The following VLDLR variants were observed in gnomAD, a reference collection of about 807,000 sequenced individuals.
The protein encoded by VLDLR is very low density lipoprotein receptor.
A neutral mutation model predicts 112.7 loss-of-function variants in VLDLR; 81 were observed. That is an observed-to-expected ratio of 0.72 (90% CI 0.60 to 0.86). The LOEUF is 0.86. Among genes scored for constraint, VLDLR ranks in the 40% least tolerant of loss-of-function variants. The probability of loss-of-function intolerance (pLI) is 0.00; values close to 1 mark genes in which losing one functional copy is unlikely to be tolerated. For missense variants in VLDLR, 1,237 were observed against 1,099.4 expected (o/e 1.13, Z -1.77); for synonymous variants, 436 against 384.8 (o/e 1.13, Z -1.56).
At position 2,635,204 on chromosome 9, in the gene VLDLR, A is replaced by C. The variant is rs895218618; in HGVS notation, c.83-249A>C. On this transcript the variant is annotated intron_variant, in intron 1 of 18. Coordinates refer to ENST00000382100, the MANE Select transcript of VLDLR (RefSeq NM_003383.5). ...TTTAGTTTACATTCCATTAGTCAGA[A>C]TGTAGCCCCTTGGCTGCACCTCACT... Among the ~76,000 whole-genome samples, 3 of 152,226 alleles carry C rather than the reference A, an allele frequency of 2.0e-5. No homozygotes were observed. The South Asian group carries it at 6.2e-4, about 32-fold the overall frequency.
chr9:2,648,902 G>C, intron 14 of VLDLR, 92 bp downstream of exon 14: 1 of 1,552,816 alleles, frequency 6.4e-7, no homozygotes, highest in South Asian at 1.1e-5. Context: ...TGGCAACTCA[G>C]TTTTCTTTAA....
chr9:2,639,973 A>G lies in VLDLR; in HGVS notation c.317A>G (p.Glu106Gly), dbSNP rs758788184. ...DCEDGSDESP[E>G]QCHMRTCRIH... ...GAAGATGGTTCAGATGAAAGCCCAGAACAGTGCCGTGAGTGTAACTTGCTT... is the reference window on the plus strand; with the variant it reads ...GAAGATGGTTCAGATGAAAGCCCAGGACAGTGCCGTGAGTGTAACTTGCTT... The change falls in exon 3 of 19, where the codon GAA becomes GGA. Residue 106 changes from glutamate to glycine, a missense_variant. By Grantham distance (98) the Glu-to-Gly change is moderately conservative (BLOSUM62 -2). Coordinates refer to ENST00000382100, the MANE Select transcript of VLDLR (RefSeq NM_003383.5). 1 of 1,614,222 alleles carries G rather than the reference A, an allele frequency of 6.2e-7. No homozygotes were observed. Among genetic ancestry groups the G allele is most frequent in the Admixed American group, 1.7e-5 (1 of 60,032 alleles).
In VLDLR at chr9:2,643,438, G is replaced by A. The variant is rs372870602; in HGVS notation, c.727G>A (p.Glu243Lys). 9.9e-6 allele frequency: 16 copies of A among 1,614,084 alleles called. No individual in the cohort carries two copies. Among genetic ancestry groups the A allele is most frequent in the East Asian group, 6.7e-5 (3 of 44,884 alleles). ...PVIHTKCPAS[E>K]IQCGSGECIH... ...CATACACACCAAGTGTCCAGCCAGC[G>A]AAATCCAGTGCGGCTCTGGCGAGTG... The change falls in exon 5 of 19, where the codon GAA becomes AAA. Residue 243 changes from glutamate (E) to lysine (K), a missense_variant. Glu to Lys is a moderately conservative substitution (Grantham distance 56, BLOSUM62 1). Coordinates refer to ENST00000382100, the MANE Select transcript of VLDLR (RefSeq NM_003383.5).
At chr9:2,640,853 C>T (rs1817792943) in intron 3 of VLDLR, among the ~76,000 whole-genome samples, 1 of 152,160 alleles carries the variant, frequency 6.6e-6, no homozygotes, top group African/African-American at 2.4e-5. Flanking sequence ...GATTCAGCCT[C>T]AACTTTTAGT....
rs1449831877 is a variant in VLDLR at position 2,645,041 on chromosome 9, G to A, written c.1271G>A (p.Gly424Asp). Residue 424 changes from glycine (G) to aspartate (D), a missense_variant, in exon 9 of 19, where the codon GGC (glycine) becomes GAC (aspartate). Gly to Asp is a moderately conservative substitution (Grantham distance 94). Transcript: ENST00000382100. ...KGGYKCECSR[G>D]YQMDLATGVC... Reference sequence around the variant, plus strand: ...GGTTACAAGTGTGAATGTAGTCGTGGCTATCAAATGGATCTTGCTACTGGC... The same window carrying A: ...GGTTACAAGTGTGAATGTAGTCGTGACTATCAAATGGATCTTGCTACTGGC... 9.9e-6 allele frequency: 16 copies of A among 1,614,182 alleles called. No homozygotes were observed. Among genetic ancestry groups the A allele is most frequent in the Non-Finnish European group, 1.4e-5 (16 of 1,180,034 alleles).
intron 1 of VLDLR, among the ~76,000 whole-genome samples, chr9:2,623,579 G>A (rs1000830358): frequency 1.3e-5 from 2 of 152,242 alleles, no homozygotes; most frequent in African/African-American, 4.8e-5. Context: ...GAATGCCCCT[G>A]CCCTTTGGTT....
chr9:2,657,429 G>T lies in VLDLR; in HGVS notation c.*3561G>T, dbSNP rs975874699. On this transcript the variant is annotated 3_prime_UTR_variant, in exon 19 of 19. Transcript: ENST00000382100. ...GTTTCATAATTGTTTTATCCTGAAC[G>T]TAGTTGTGACATAGACATTTCTCAA... 3 of 152,172 alleles carry T rather than the reference G, an allele frequency of 2.0e-5. No individual in the cohort carries two copies. The highest frequency in any genetic ancestry group is 7.2e-5 in the African/African-American group (3 of 41,428). 9.4% of individuals were successfully genotyped at this position (152,172 alleles called of 1,614,324 possible).
At chr9:2,651,282 T>A in intron 15 of VLDLR, 133 bp from the exon 16 acceptor site, 1 of 718,716 alleles carries the variant, frequency 1.4e-6, no homozygotes, top group Non-Finnish European at 2.4e-6. Flanking sequence ...ACATCAGCTG[T>A]ACAACTTAGT....
rs1041594426 is a variant in VLDLR at position 2,621,839 on chromosome 9, C to A, written c.-351C>A. The A allele has an allele frequency of 5.6e-6, 3 of 535,184 alleles. No individual in the cohort carries two copies. The highest frequency in any genetic ancestry group is 2.3e-5 in the Admixed American group (1 of 43,878). The allele number at this position is 535,184 out of a possible 1,614,324, so 33.2% of individuals were successfully genotyped here. The stretch of plus-strand genomic sequence containing the variant: ...GGGTGCTCCGCTACCGGCTCCTCTC[C>A]GTTCTGTGCTCTCTTCTGCTCTCGG... On this transcript the variant is annotated 5_prime_UTR_variant, in exon 1 of 19. Transcript: ENST00000382100.
rs1386584580 is a variant in VLDLR at position 2,644,978 on chromosome 9, C to T, written c.1208C>T (p.Pro403Leu). The change falls in exon 9 of 19, where the codon CCA becomes CTA. Residue 403 changes from proline (P) to leucine (L), a missense_variant. Pro to Leu is a moderately conservative substitution (Grantham distance 98). Coordinates refer to ENST00000382100, the MANE Select transcript of VLDLR (RefSeq NM_003383.5). ...TCGDIDECQN[P>L]GICSQICINL... The stretch of plus-strand genomic sequence containing the variant: ...CCAGATATTGATGAATGCCAAAATC[C>T]AGGAATCTGCAGTCAAATTTGTATC... The T allele has an allele frequency of 1.9e-6, 3 of 1,614,104 alleles. No individual in the cohort carries two copies. The highest frequency in any genetic ancestry group is 1.7e-5 in the Admixed American group (1 of 60,022).
intron 7 of VLDLR, 47 bp downstream of exon 7, chr9:2,644,006 A>G: frequency 6.2e-7 from 1 of 1,613,678 alleles, no homozygotes; most frequent in Non-Finnish European, 8.5e-7. Flanking sequence ...GTTTGACACA[A>G]TCCAGTATAG....
At chr9:2,650,243 G>T in intron 14 of VLDLR, 127 bp from the exon 15 acceptor site, 6 of 1,139,384 alleles carry the variant, frequency 5.3e-6, no homozygotes, top group Non-Finnish European at 6.4e-6. Context: ...CTCACTTGAA[G>T]GATTAGCAGA....
At chr9:2,644,401 C>T (rs938338216) in intron 7 of VLDLR, among the ~76,000 whole-genome samples, 20 of 148,358 alleles carry the variant, frequency 1.3e-4, no homozygotes, top group African/African-American at 5.0e-4. Flanking sequence ...GAACTCCTGA[C>T]CTCGTGATCC....
chr9:2,623,862 G>C (rs1423915134), intron 1 of VLDLR, among the ~76,000 whole-genome samples: 1 of 152,144 alleles, frequency 6.6e-6, no homozygotes, highest in Admixed American at 6.5e-5. Flanking sequence ...GAAAAGCTCT[G>C]CTTACAAGAG....
Position 2,653,836 on chromosome 9 carries a change from T to C in VLDLR, c.2590T>C (p.Ser864Pro). Residue 864 changes from serine to proline, a missense_variant, in exon 19 of 19, where the codon TCA (serine) becomes CCA (proline). Coordinates refer to ENST00000382100, the MANE Select transcript of VLDLR (RefSeq NM_003383.5). ...CTATACTTCTTCTTTTCCACAGATA[T>C]CAGTTGTAAGCACAGATGATGATCT... is the stretch of plus-strand genomic sequence containing the variant. ...ASVGHTYPAI[S>P]VVSTDDDLA is the part of the protein sequence containing the mutation. The C allele has an allele frequency of 6.2e-7, 1 of 1,613,938 alleles. No homozygotes were observed. Among genetic ancestry groups the C allele is most frequent in the Non-Finnish European group, 8.5e-7 (1 of 1,179,846 alleles).
Position 2,622,001 on chromosome 9 carries a change from T to G in VLDLR, c.-189T>G, listed in dbSNP as rs1470933948. On this transcript the variant is annotated 5_prime_UTR_variant, in exon 1 of 19. Coordinates refer to ENST00000382100, the MANE Select transcript of VLDLR (RefSeq NM_003383.5). The stretch of plus-strand genomic sequence containing the variant: ...GTGGCTGGGTGGGTGGGGAGGAGAC[T>G]GTGCAAGTTGTAGGGGAGGGGGTGC... The G allele has an allele frequency of 4.2e-5, 27 of 640,834 alleles. No individual in the cohort carries two copies. The highest frequency in any genetic ancestry group is 6.6e-5 in the Non-Finnish European group (24 of 364,952). The allele number at this position is 640,834 out of a possible 1,614,324, so 39.7% of individuals were successfully genotyped here.
At position 2,622,126 on chromosome 9, in the gene VLDLR, T is replaced by A. The variant is rs1816814341; in HGVS notation, c.-64T>A. The A allele has an allele frequency of 7.1e-7, 1 of 1,418,324 alleles. No homozygotes were observed. The highest frequency in any genetic ancestry group is 2.8e-5 in the East Asian group (1 of 35,274). 87.9% of individuals were successfully genotyped at this position (1,418,324 alleles called of 1,614,324 possible). A position where few individuals can be genotyped will look rare whatever the true frequency, so the allele number is the denominator to read the frequency against. ...TTCTTCCTCCTTTCGGAAGGACTGGTAACTTGTCGTGCGGAGCGAACGGCG... is the reference window on the plus strand; with the variant it reads ...TTCTTCCTCCTTTCGGAAGGACTGGAAACTTGTCGTGCGGAGCGAACGGCG... On this transcript the variant is annotated 5_prime_UTR_variant, in exon 1 of 19. Transcript: ENST00000382100.
In VLDLR at chr9:2,657,127, T is replaced by C. The variant is rs1407802041; in HGVS notation, c.*3259T>C. The C allele has an allele frequency of 2.0e-5, 3 of 152,090 alleles. No individual in the cohort carries two copies. The highest frequency in any genetic ancestry group is 4.4e-5 in the Non-Finnish European group (3 of 68,016). 9.4% of individuals were successfully genotyped at this position (152,090 alleles called of 1,614,324 possible). A position where few individuals can be genotyped will look rare whatever the true frequency, so the allele number is the denominator to read the frequency against. On this transcript the variant is annotated 3_prime_UTR_variant, in exon 19 of 19. Transcript: ENST00000382100. ...AACACTGTAGAAATGGTAGACCAAC[T>C]TAAAGTCTACCTTTTAACAATCTTT... is the stretch of plus-strand genomic sequence containing the variant.
At chr9:2,641,526 A>G in intron 4 of VLDLR, 27 bp downstream of exon 4, 1 of 1,613,794 alleles carries the variant, frequency 6.2e-7, no homozygotes, top group Non-Finnish European at 8.5e-7. Context: ...TGAGTGACGT[A>G]ACCCAAAGAC....
Sources: allele counts gnomAD v4.1 joint callset (sites outside exome capture counted in the v4.1 genomes callset), GRCh38; gene constraint gnomAD v4.1.1; transcripts MANE v1.5; gene names NCBI Gene and HGNC (gene_info 2026-07-23, HGNC 2026-07-21).